Variants in RANGAP1 observed in about 807,000 individuals in gnomAD.
The protein encoded by RANGAP1 is ran GTPase-activating protein 1.
RANGAP1 carries 38 observed loss-of-function variants against 63.5 expected under a neutral mutation model. That is an observed-to-expected ratio of 0.60 (90% confidence interval 0.46 to 0.78). The LOEUF (loss-of-function observed/expected upper bound fraction) is 0.78, where lower values mean the gene tolerates loss of function less well. Among genes scored for constraint, RANGAP1 ranks in the 30% least tolerant of loss-of-function variants. The probability of loss-of-function intolerance (pLI) is 0.00; values close to 1 mark genes in which losing one functional copy is unlikely to be tolerated. For missense variants in RANGAP1, 630 were observed against 740.3 expected (o/e 0.85, Z 1.73); for synonymous variants, 329 against 310.5 (o/e 1.06, Z -0.63).
chr22:41,298,236 C>T, the RANGAP1 span, among the ~76,000 whole-genome samples: 2,183 of 151,152 alleles, frequency 0.014, 61 homozygotes, highest in African/African-American at 0.051. Context: ...CTCCTGACCT[C>T]GTGACCCACC....
chr22:41,300,260 G>C, the RANGAP1 span, among the ~76,000 whole-genome samples: 1 of 151,882 alleles, frequency 6.6e-6, no homozygotes, highest in Non-Finnish European at 1.5e-5. Flanking sequence ...ACCTGGGGTG[G>C]TGGAATCACC....
chr22:41,274,621 T>C lies in RANGAP1; in HGVS notation c.219A>G (p.Leu73=), dbSNP rs1166490521. ...VEAARVIAKA[L]EKKSELKRCH... ...TCACCTTCAACTCCGACTTCTTCTC[T>C]AAGGCCTTGGCGATGACCCTGGCTG... The change falls in exon 3 of 16, where the codon TTA becomes TTG. Residue 73 remains leucine (L), a synonymous_variant. Coordinates refer to ENST00000356244, the MANE Select transcript of RANGAP1 (RefSeq NM_002883.4). 6.2e-7 allele frequency: 1 copy of C among 1,614,168 alleles called. No individual in the cohort carries two copies. The highest frequency in any genetic ancestry group is 1.3e-5 in the African/African-American group (1 of 75,058).
At chr22:41,259,852 AT>A (rs1175756614) in intron 6 of RANGAP1, among the ~76,000 whole-genome samples, 1 of 152,182 alleles carries the variant, frequency 6.6e-6, no homozygotes, top group Non-Finnish European at 1.5e-5. Flanking sequence ...AAATACAAAA[AT>A]TAACTGGGTG....
rs549118498 is a variant in RANGAP1 at position 41,256,801 on chromosome 22, C to T, written c.798G>A (p.Val266=). The change falls in exon 8 of 16, where the codon GTG becomes GTA. Residue 266 remains valine, a synonymous_variant. Transcript: ENST00000356244. The part of the protein sequence containing the change: ...MAETLKTLRQ[V]EVINFGDCLV... The stretch of plus-strand genomic sequence containing the variant: ...GGCAGTCCCCAAAATTAATCACCTC[C>T]ACCTGCCGCAAGGTCTTCAAGGTCT... 18 of 1,614,088 alleles carry T rather than the reference C, an allele frequency of 1.1e-5. No individual in the cohort carries two copies. The South Asian group carries it at 1.6e-4, about 15-fold the overall frequency.
chr22:41,253,934 C>G (rs2033644799), intron 11 of RANGAP1, among the ~76,000 whole-genome samples: 1 of 151,854 alleles, frequency 6.6e-6, no homozygotes, highest in African/African-American at 2.4e-5. Flanking sequence ...ATGGCGAAAC[C>G]CCGGCTCTAC....
chr22:41,250,942 G>A (rs1440633494), intron 13 of RANGAP1, 65 bp downstream of exon 13: 1 of 1,364,874 alleles, frequency 7.3e-7, no homozygotes, highest in African/African-American at 1.4e-5. Context: ...CAACCACGAA[G>A]GATACCTGGG....
chr22:41,254,544 T>TTGGC, intron 10 of RANGAP1, 50 bp from the exon 11 acceptor site: 1 of 1,533,222 alleles, frequency 6.5e-7, no homozygotes, highest in East Asian at 2.3e-5. Flanking sequence ...GCAGCCCAGG[T>TTGGC]TGGCTCTAAG....
chr22:41,268,300 G>A, intron 3 of RANGAP1, 144 bp from the exon 4 acceptor site: 1 of 699,266 alleles, frequency 1.4e-6, no homozygotes, highest in South Asian at 1.7e-5. Context: ...TTGTTGCCCA[G>A]GCTGGAGTGC....
Position 41,264,709 on chromosome 22 carries a change from C to T in RANGAP1, c.435G>A (p.Gln145=). The T allele has an allele frequency of 6.2e-7, 1 of 1,613,928 alleles. No individual in the cohort carries two copies. Residue 145 remains glutamine, a synonymous_variant, in exon 5 of 16, where the codon CAG becomes CAA. Coordinates refer to ENST00000356244, the MANE Select transcript of RANGAP1 (RefSeq NM_002883.4). ...LLKSSACFTL[Q]ELKLNNCGMG... is the part of the protein sequence containing the mutation. ...TGCCACAGTTGTTGAGCTTGAGTTC[C>T]TGCAGGGTGAAGCAGGCTGAGCTCT... is the stretch of plus-strand genomic sequence containing the variant.
rs375788010 is a variant in RANGAP1, at chr22:41,254,276, G to T, written c.1260+32C>A. ...CGGGATTTCACGTTCTCAGGACCAG[G>T]GCTCTGATTGTGGCAGATGATAGAA... On this transcript the variant is annotated intron_variant, in intron 11 of 15. Coordinates refer to ENST00000356244, the MANE Select transcript of RANGAP1 (RefSeq NM_002883.4). 1.0e-4 allele frequency: 166 copies of T among 1,613,508 alleles called. 1 individual carries two copies. In the East Asian group the frequency reaches 2.5e-3, roughly 25 times the overall value.
chr22:41,301,589 G>A, the RANGAP1 span: 2 of 152,254 alleles, frequency 1.3e-5, no homozygotes, highest in African/African-American at 4.8e-5. Context: ...TGAAAGTAAA[G>A]CGCTCCAGAG....
chr22:41,263,372 CTGTTTGTTTGTT>C (rs374556452), intron 5 of RANGAP1, among the ~76,000 whole-genome samples: 4 of 152,016 alleles, frequency 2.6e-5, no homozygotes, highest in Non-Finnish European at 4.4e-5. Flanking sequence ...TTATATGTTT[CTGTTTGTTTGTT>C]TGTTTGTTTG....
intron 1 of RANGAP1, chr22:41,285,548 A>G (rs1444963426): frequency 1.0e-6 from 1 of 985,358 alleles, no homozygotes; most frequent in Non-Finnish European, 1.2e-6. Context: ...ACTCACATCG[A>G]TTCCAGGGAC....
At chr22:41,252,424 C>T (rs2033521318) in intron 12 of RANGAP1, among the ~76,000 whole-genome samples, 1 of 152,020 alleles carries the variant, frequency 6.6e-6, no homozygotes. Flanking sequence ...AAATGGATGC[C>T]CCGAAGATCA....
At chr22:41,288,542 G>A (rs2035799919), upstream of RANGAP1, among the ~76,000 whole-genome samples, 1 of 152,174 alleles carries the variant, frequency 6.6e-6, no homozygotes. Context: ...GAATCAGTCT[G>A]GATTTTCCTT....
At chr22:41,296,687 T>G in the RANGAP1 span, among the ~76,000 whole-genome samples, 1 of 151,622 alleles carries the variant, frequency 6.6e-6, no homozygotes, top group Non-Finnish European at 1.5e-5. Flanking sequence ...ATCAATGCTA[T>G]GCATATAATA....
At chr22:41,293,760 CAAAAAAA>C in the RANGAP1 span, among the ~76,000 whole-genome samples, 17 of 54,848 alleles carry the variant, frequency 3.1e-4, 1 homozygote, top group South Asian at 3.6e-3. Context: ...GACTCTGTCT[CAAAAAAA>C]AAAAAAAAAA....
chr22:41,274,184 C>T (rs1176716974), intron 3 of RANGAP1, among the ~76,000 whole-genome samples: 1 of 152,248 alleles, frequency 6.6e-6, no homozygotes. Flanking sequence ...TGAGGCCTGG[C>T]CACTTCTGCC....
At chr22:41,261,420 G>C in intron 6 of RANGAP1, 26 bp downstream of exon 6, 1 of 1,613,988 alleles carries the variant, frequency 6.2e-7, no homozygotes, top group South Asian at 1.1e-5. Flanking sequence ...AAGGCTGCAG[G>C]GGCAGGATGG....
Sources: allele counts gnomAD v4.1 joint callset (sites outside exome capture counted in the v4.1 genomes callset), GRCh38; gene constraint gnomAD v4.1.1; transcripts MANE v1.5; gene names NCBI Gene and HGNC (gene_info 2026-07-23, HGNC 2026-07-21).